CBFA2T3: variants seen among roughly 807,000 people sequenced by gnomAD.
CBFA2T3 encodes the protein transcriptional corepressor CBFA2T3.
A neutral mutation model predicts 58.6 loss-of-function variants in CBFA2T3; 31 were observed. That is an observed-to-expected ratio of 0.53 (90% confidence interval 0.40 to 0.71). CBFA2T3 has a LOEUF of 0.71. Ranked by LOEUF, CBFA2T3 falls within the 30% of genes least tolerant of loss-of-function variation. The probability of loss-of-function intolerance (pLI) is 0.00; values close to 1 mark genes in which losing one functional copy is unlikely to be tolerated. For missense variants in CBFA2T3, 1,076 were observed against 963.1 expected, an observed-to-expected ratio of 1.12 and a Z score of -1.55; for synonymous variants, 531 against 421.9, an observed-to-expected ratio of 1.26 and a Z score of -3.17.
At position 88,958,568 on chromosome 16, in the gene CBFA2T3, G is replaced by T. The variant is rs1972288880; in HGVS notation, c.151+18089C>A. The stretch of plus-strand genomic sequence containing the variant: ...CTGGAGCAGAAGCTGGTGGAGAGGT[G>T]TCCTTCCTATTTCTCAGATGGGGAG... On this transcript the variant is annotated intron_variant, in intron 1 of 11. Transcript: ENST00000268679. This position sits in a 1 kb window ranked among gnomAD's most constrained non-coding sequence, Gnocchi z 4.0. Among the ~76,000 whole-genome samples, 1 of 152,302 alleles carries T rather than the reference G, an allele frequency of 6.6e-6. No homozygotes were observed. The highest frequency in any genetic ancestry group is 2.1e-4 in the South Asian group (1 of 4,828).
intron 5 of CBFA2T3, among the ~76,000 whole-genome samples, chr16:88,890,702 C>CTTCATTCATTCA (rs58270745): frequency 1.9e-4 from 28 of 151,258 alleles, no homozygotes; most frequent in Non-Finnish European, 3.1e-4. Flanking sequence ...GAATCACTGG[C>CTTCATTCATTCA]TTCATTCATT....
intron 1 of CBFA2T3, among the ~76,000 whole-genome samples, chr16:88,961,215 C>T (rs559253590): frequency 2.6e-4 from 39 of 152,252 alleles, no homozygotes; most frequent in African/African-American, 8.4e-4. Context: ...CGCCAGAGCC[C>T]GTGAGAGGTG....
intron 1 of CBFA2T3, among the ~76,000 whole-genome samples, chr16:88,941,359 G>A (rs912882194): frequency 6.8e-6 from 1 of 146,270 alleles, no homozygotes; most frequent in Admixed American, 6.8e-5. Context: ...ACGGGGCCCC[G>A]CGGCCCCCGC....
intron 1 of CBFA2T3, among the ~76,000 whole-genome samples, chr16:88,909,501 G>GCA: frequency 1.3e-5 from 2 of 151,946 alleles, no homozygotes; most frequent in Non-Finnish European, 2.9e-5. Flanking sequence ...CAGCTGGGAC[G>GCA]GAGGACGCCA....
chr16:88,917,732 C>T (rs555886360), intron 1 of CBFA2T3, among the ~76,000 whole-genome samples: 1 of 152,298 alleles, frequency 6.6e-6, no homozygotes, highest in South Asian at 2.1e-4. Flanking sequence ...CCTGAAGTGC[C>T]AGAATGTTCC....
At chr16:88,921,797 C>A (rs1168844251) in intron 1 of CBFA2T3, among the ~76,000 whole-genome samples, 1 of 152,252 alleles carries the variant, frequency 6.6e-6, no homozygotes, top group African/African-American at 2.4e-5. Flanking sequence ...AAGTTGCTTC[C>A]TCGGCGGCAC....
At chr16:88,880,441 C>G (rs1476316479) in intron 10 of CBFA2T3, among the ~76,000 whole-genome samples, 10 of 152,242 alleles carry the variant, frequency 6.6e-5, no homozygotes, top group African/African-American at 2.2e-4. Context: ...CGAGTGTGTG[C>G]GCTTCTGCGT....
At chr16:88,926,181 G>A (rs531122882) in intron 1 of CBFA2T3, among the ~76,000 whole-genome samples, 9 of 152,344 alleles carry the variant, frequency 5.9e-5, no homozygotes, top group African/African-American at 2.2e-4. Flanking sequence ...CCGCAGCCGG[G>A]GGTACAACTG....
intron 1 of CBFA2T3, among the ~76,000 whole-genome samples, chr16:88,943,591 G>A (rs549530580): frequency 3.2e-4 from 49 of 152,322 alleles, no homozygotes; most frequent in African/African-American, 1.1e-3. Flanking sequence ...TCAGCCTGAC[G>A]CCTAGCCCAG....
intron 1 of CBFA2T3, chr16:88,940,978 G>A: frequency 6.5e-6 from 6 of 923,972 alleles, no homozygotes; most frequent in Non-Finnish European, 7.8e-6. Context: ...GGCGGAGTCG[G>A]GGTAGAGCGG....
intron 5 of CBFA2T3, among the ~76,000 whole-genome samples, chr16:88,888,074 G>A (rs1212634140): frequency 6.6e-6 from 1 of 152,112 alleles, no homozygotes. Flanking sequence ...GGCCGAGACA[G>A]ACTCCGGGGA....
intron 1 of CBFA2T3, among the ~76,000 whole-genome samples, chr16:88,954,765 A>G (rs1237134099): frequency 2.7e-5 from 1 of 37,520 alleles, no homozygotes; most frequent in East Asian, 5.8e-4. Context: ...ACCTCAGCCA[A>G]GACTCCTGAC....
chr16:88,894,863 C>T (rs1382079799), intron 3 of CBFA2T3, among the ~76,000 whole-genome samples: 3 of 152,254 alleles, frequency 2.0e-5, no homozygotes, highest in Non-Finnish European at 4.4e-5. Context: ...ACCCTTTCTA[C>T]AGGATGGAGA....
chr16:88,937,114 G>C (rs1223735115), intron 1 of CBFA2T3: 1 of 152,286 alleles, frequency 6.6e-6, no homozygotes, highest in African/African-American at 2.4e-5. Flanking sequence ...CACGGCCTGG[G>C]CTCCGCTGAA....
At chr16:88,945,105 G>T (rs1382252685) in intron 1 of CBFA2T3, among the ~76,000 whole-genome samples, 1 of 152,216 alleles carries the variant, frequency 6.6e-6, no homozygotes, top group East Asian at 1.9e-4. Flanking sequence ...TAGAAAGTCT[G>T]ATACACTATA....
At chr16:88,904,497 G>C (rs1018068351) in intron 1 of CBFA2T3, among the ~76,000 whole-genome samples, 1 of 152,216 alleles carries the variant, frequency 6.6e-6, no homozygotes, top group East Asian at 1.9e-4. Flanking sequence ...CAAAGTCTCC[G>C]CTTGTCATCA....
chr16:88,963,780 G>T (rs1192524932), intron 1 of CBFA2T3, among the ~76,000 whole-genome samples: 2 of 152,234 alleles, frequency 1.3e-5, no homozygotes, highest in African/African-American at 4.8e-5. Flanking sequence ...AGCGGCCCGA[G>T]GAGAGCCGCA....
At chr16:88,877,404 A>G (rs1168720855) in intron 11 of CBFA2T3, 129 bp from the exon 12 acceptor site, 2 of 736,558 alleles carry the variant, frequency 2.7e-6, no homozygotes, top group Non-Finnish European at 2.2e-6. Flanking sequence ...CCAAAGCCCC[A>G]CAGCCCTCGG....
At chr16:88,918,400 T>C (rs780876744) in intron 1 of CBFA2T3, among the ~76,000 whole-genome samples, 2 of 152,150 alleles carry the variant, frequency 1.3e-5, no homozygotes, top group Non-Finnish European at 1.5e-5. Context: ...CAGTGTGGGC[T>C]GTGGCTGCCC....
Sources: allele counts gnomAD v4.1 joint callset (sites outside exome capture counted in the v4.1 genomes callset), GRCh38; gene constraint gnomAD v4.1.1; non-coding constraint Gnocchi (gnomAD v3.1); transcripts MANE v1.5; gene names NCBI Gene and HGNC (gene_info 2026-07-23, HGNC 2026-07-21).